VWA5B2: variants seen among roughly 807,000 people sequenced by gnomAD.
VWA5B2 encodes von Willebrand factor A domain containing 5B2.
VWA5B2 carries 93 observed loss-of-function variants against 118.5 expected under a neutral mutation model. The ratio of observed to expected loss-of-function variants is 0.79; its 90% confidence interval spans 0.66 to 0.93. The LOEUF is 0.93. VWA5B2 is among the 40% of genes least tolerant of loss of function. VWA5B2 has a pLI of 0.00. For missense variants in VWA5B2, 1,546 were observed against 1,672.8 expected, an observed-to-expected ratio of 0.92 and a Z score of 1.32; for synonymous variants, 708 against 716.3, an observed-to-expected ratio of 0.99 and a Z score of 0.19.
chr3:184,236,039 A>T, intron 8 of VWA5B2, 113 bp from the exon 9 acceptor site: 1 of 986,236 alleles, frequency 1.0e-6, no homozygotes, highest in Non-Finnish European at 1.5e-6. Context: ...CTCCCAGGTT[A>T]CCACAGCCTC....
Position 184,233,221 on chromosome 3 carries a change from G to A in VWA5B2, c.354G>A (p.Val118=). 7 of 1,550,906 alleles carry A rather than the reference G, an allele frequency of 4.5e-6. No individual in the cohort carries two copies. Among genetic ancestry groups the A allele is most frequent in the Non-Finnish European group, 6.1e-6 (7 of 1,146,876 alleles). ...TGGCCCAGGCCCGGTCCACGTTGGT[G>A]CTGCCCACAGGCATTATCGCCGCGG... is the stretch of plus-strand genomic sequence containing the variant. ...LDLAQARSTL[V]LPTGIIAAAG... Residue 118 remains valine (V), a synonymous_variant, in exon 4 of 20, where the codon GTG becomes GTA. Transcript: ENST00000691901. This position sits in a 1 kb window ranked among gnomAD's most constrained non-coding sequence, Gnocchi z 5.2.
In VWA5B2 at chr3:184,233,305, G is replaced by A; in HGVS notation, c.438G>A (p.Gly146=). ...GGGAGCTGCCCTCAAGGCCTGACGG[G>A]GTGCTGCATGTGGCCCTGCCCACTG... is the stretch of plus-strand genomic sequence containing the variant. ...SSRELPSRPD[G]VLHVALPTVL... Residue 146 remains glycine (G), a synonymous_variant, in exon 4 of 20, where the codon GGG becomes GGA. Coordinates refer to ENST00000691901, the MANE Select transcript of VWA5B2 (RefSeq NM_001390846.1). This position sits in a 1 kb window ranked among gnomAD's most constrained non-coding sequence, Gnocchi z 5.2. 6.5e-7 allele frequency: 1 copy of A among 1,537,502 alleles called. No individual in the cohort carries two copies. Among genetic ancestry groups the A allele is most frequent in the Non-Finnish European group, 8.8e-7 (1 of 1,140,470 alleles).
At chr3:184,230,979 C>G (rs1717336244) in intron 3 of VWA5B2, 62 bp downstream of exon 3, 2 of 1,204,526 alleles carry the variant, frequency 1.7e-6, no homozygotes, top group South Asian at 4.2e-5. Context: ...GCTCCCGCAT[C>G]CGCTCGGCCT....
chr3:184,238,898 G>T lies in VWA5B2; in HGVS notation c.2202+25G>T. The T allele has an allele frequency of 6.9e-7, 1 of 1,458,492 alleles. No homozygotes were observed. The highest frequency in any genetic ancestry group is 1.4e-5 in the African/African-American group (1 of 70,274). 90.3% of individuals were successfully genotyped at this position (1,458,492 alleles called of 1,614,324 possible). A position where few individuals can be genotyped will look rare whatever the true frequency, so the allele number is the denominator to read the frequency against. On this transcript the variant is annotated intron_variant, in intron 14 of 19. Transcript: ENST00000691901. The surrounding 1 kb of genome is among the most constrained non-coding windows in gnomAD (Gnocchi z 5.0). Reference sequence around the variant, plus strand: ...GGTGAGATCCAACCCACATTCATTCGCCTTGTATCCAGCAAATATTTATTT... The same window carrying T: ...GGTGAGATCCAACCCACATTCATTCTCCTTGTATCCAGCAAATATTTATTT...
In VWA5B2 at chr3:184,239,983, G is replaced by A. The variant is rs192127853; in HGVS notation, c.2687G>A (p.Arg896Gln). The A allele has an allele frequency of 3.8e-5, 59 of 1,550,510 alleles. No individual in the cohort carries two copies. The highest frequency in any genetic ancestry group is 3.4e-4 in the Middle Eastern group (2 of 5,846). ...LHRLTAASVV[R>Q]DNEQLALRGG... ...CGGCTGACAGCAGCCTCTGTGGTCC[G>A]GGACAATGAGCAGCTGGCCCTCCGA... is the stretch of plus-strand genomic sequence containing the variant. Residue 896 changes from arginine (R) to glutamine (Q), a missense_variant, in exon 16 of 20, where the codon CGG (arginine) becomes CAG (glutamine). This residue lies in a region of VWA5B2 where 763 missense variants were observed against 766.6 expected (regional missense o/e 1.00). Coordinates refer to ENST00000691901, the MANE Select transcript of VWA5B2 (RefSeq NM_001390846.1). The surrounding 1 kb of genome is among the most constrained non-coding windows in gnomAD (Gnocchi z 5.1).
At position 184,233,825 on chromosome 3, in the gene VWA5B2, G is replaced by C; in HGVS notation, c.688+92G>C. ...GGAAATAAGGCTCAGGGATAGGAGG[G>C]ACACAGGACAAAAAGACAGGGACCC... On this transcript the variant is annotated intron_variant, in intron 5 of 19. Coordinates refer to ENST00000691901, the MANE Select transcript of VWA5B2 (RefSeq NM_001390846.1). This position sits in a 1 kb window ranked among gnomAD's most constrained non-coding sequence, Gnocchi z 5.2. 6.8e-7 allele frequency: 1 copy of C among 1,472,010 alleles called. No individual in the cohort carries two copies. 91.2% of individuals were successfully genotyped at this position (1,472,010 alleles called of 1,614,324 possible).
chr3:184,233,506 G>T lies in VWA5B2; in HGVS notation c.531-70G>T, dbSNP rs1717629383. ...GGGATGGGAAGGGTGAGGAAGGGCT[G>T]GGGCCAGTCAGCCGGAGGGTTTAGG... On this transcript the variant is annotated intron_variant, in intron 4 of 19. Transcript: ENST00000691901. The surrounding 1 kb of genome is among the most constrained non-coding windows in gnomAD (Gnocchi z 5.2). 6.6e-7 allele frequency: 1 copy of T among 1,518,458 alleles called. No individual in the cohort carries two copies. Among genetic ancestry groups the T allele is most frequent in the Non-Finnish European group, 8.9e-7 (1 of 1,129,794 alleles). The allele number at this position is 1,518,458 out of a possible 1,614,324, so 94.1% of individuals were successfully genotyped here.
At position 184,234,367 on chromosome 3, in the gene VWA5B2, C is replaced by T. The variant is rs760911919; in HGVS notation, c.790C>T (p.Arg264Trp). ...VTLAEGHHCD[R>W]ALEILLHPSE... ...ACTGGCAGAGGGCCACCACTGTGAC[C>T]GGGCCTTGGAGATCCTGCTGCACCC... is the stretch of plus-strand genomic sequence containing the variant. The change falls in exon 6 of 20, where the codon CGG becomes TGG. Residue 264 changes from arginine (R) to tryptophan (W), a missense_variant. Physicochemically the swap from Arg to Trp is moderately radical, Grantham distance 101 (BLOSUM62 -3). Coordinates refer to ENST00000691901, the MANE Select transcript of VWA5B2 (RefSeq NM_001390846.1). 32 of 1,551,758 alleles carry T rather than the reference C, an allele frequency of 2.1e-5. No individual in the cohort carries two copies. Among genetic ancestry groups the T allele is most frequent in the Middle Eastern group, 1.7e-4 (1 of 5,994 alleles).
At position 184,237,881 on chromosome 3, in the gene VWA5B2, C is replaced by T. The variant is rs911725068; in HGVS notation, c.1720-422C>T. On this transcript the variant is annotated intron_variant, in intron 12 of 19. Transcript: ENST00000691901. The surrounding 1 kb of genome is among the most constrained non-coding windows in gnomAD (Gnocchi z 5.6). ...AGCAAGTCACTTCACCTCACTGACC[C>T]ATTTCCTCATATGGAAATGAGGTTT... Among the ~76,000 whole-genome samples the T allele has an allele frequency of 1.6e-4, 24 of 152,226 alleles. No homozygotes were observed. Among genetic ancestry groups the T allele is most frequent in the African/African-American group, 5.5e-4 (23 of 41,452 alleles).
At chr3:184,234,138 C>A in intron 5 of VWA5B2, 128 bp from the exon 6 acceptor site, 1 of 1,208,634 alleles carries the variant, frequency 8.3e-7, no homozygotes, top group Non-Finnish European at 1.1e-6. Flanking sequence ...CATCCTCCCT[C>A]GTCCATCTGA....
intron 16 of VWA5B2, among the ~76,000 whole-genome samples, chr3:184,240,270 G>A (rs957561485): frequency 1.3e-5 from 2 of 152,196 alleles, no homozygotes; most frequent in African/African-American, 4.8e-5. Flanking sequence ...CTCTTGCAAG[G>A]ATCAGATCCA....
At chr3:184,231,391 G>A (rs1017409295) in intron 3 of VWA5B2, among the ~76,000 whole-genome samples, 4 of 152,176 alleles carry the variant, frequency 2.6e-5, no homozygotes, top group Admixed American at 1.3e-4. Flanking sequence ...TACCGCTGCC[G>A]CTGGCCACAC....
In VWA5B2 at chr3:184,236,633, A is replaced by G. The variant is rs1448175488; in HGVS notation, c.1422-5A>G. 5 of 1,550,512 alleles carry G rather than the reference A, an allele frequency of 3.2e-6. No individual in the cohort carries two copies. Among genetic ancestry groups the G allele is most frequent in the Middle Eastern group, 1.7e-4 (1 of 6,004 alleles). ...AGATCACAGCTGCTTCCTTTCCTTC[A>G]TCAGATGCTTCTCCTTTGGGCTGGG... On this transcript the variant is annotated splice_region_variant and splice_polypyrimidine_tract_variant and intron_variant, in intron 10 of 19. Coordinates refer to ENST00000691901, the MANE Select transcript of VWA5B2 (RefSeq NM_001390846.1).
chr3:184,240,541 T>C (rs1718474492), intron 16 of VWA5B2: 4 of 548,138 alleles, frequency 7.3e-6, no homozygotes, highest in Non-Finnish European at 1.3e-5. Context: ...TAATGCTTCC[T>C]CTGGGTGTTG....
In VWA5B2 at chr3:184,237,778, G is replaced by T. The variant is rs915138612; in HGVS notation, c.1719+367G>T. 7.2e-5 allele frequency among the ~76,000 whole-genome samples: 11 copies of T among 152,176 alleles called. No homozygotes were observed. Among genetic ancestry groups the T allele is most frequent in the African/African-American group, 2.7e-4 (11 of 41,444 alleles). ...AAAGCACCAGCCAGCGTATTTTCTG[G>T]GACACGCAGTGATGGATGAGCATAA... On this transcript the variant is annotated intron_variant, in intron 12 of 19. Coordinates refer to ENST00000691901, the MANE Select transcript of VWA5B2 (RefSeq NM_001390846.1). The surrounding 1 kb of genome is among the most constrained non-coding windows in gnomAD (Gnocchi z 5.6).
At position 184,233,639 on chromosome 3, in the gene VWA5B2, T is replaced by C. The variant is rs1363270752; in HGVS notation, c.594T>C (p.Ala198=). 6.4e-7 allele frequency: 1 copy of C among 1,551,178 alleles called. No homozygotes were observed. The highest frequency in any genetic ancestry group is 8.7e-7 in the Non-Finnish European group (1 of 1,146,952). The change falls in exon 5 of 20, where the codon GCT becomes GCC. Residue 198 remains alanine (A), a synonymous_variant. Transcript: ENST00000691901. The surrounding 1 kb of genome is among the most constrained non-coding windows in gnomAD (Gnocchi z 5.2). Reference sequence around the variant, plus strand: ...AAGGGCTGGCCTGGGAGGAGCTGGCTGCCCCTCGGGACGTGTTCTCAGGCC... The same window carrying C: ...AAGGGCTGGCCTGGGAGGAGCTGGCCGCCCCTCGGGACGTGTTCTCAGGCC... The part of the protein sequence containing the change: ...QEEGLAWEEL[A]APRDVFSGPA...
intron 3 of VWA5B2, among the ~76,000 whole-genome samples, chr3:184,231,883 G>A (rs1717430026): frequency 6.6e-6 from 1 of 152,234 alleles, no homozygotes; most frequent in Non-Finnish European, 1.5e-5. Flanking sequence ...TTAGAGGCTA[G>A]AGTGAGCTCT....
rs1428500753 is a variant in VWA5B2 at position 184,230,607 on chromosome 3, C to T, written c.79C>T (p.Pro27Ser). The T allele has an allele frequency of 2.1e-6, 3 of 1,443,596 alleles. No homozygotes were observed. The highest frequency in any genetic ancestry group is 3.0e-5 in the African/African-American group (2 of 67,444). 89.4% of individuals were successfully genotyped at this position (1,443,596 alleles called of 1,614,324 possible). A position where few individuals can be genotyped will look rare whatever the true frequency, so the allele number is the denominator to read the frequency against. Reference sequence around the variant, plus strand: ...CTGGGTCCGGGCCTGCGCCAACGGCCCCTGCCTCAGCGTGCGGGCCCGGCT... The same window carrying T: ...CTGGGTCCGGGCCTGCGCCAACGGCTCCTGCCTCAGCGTGCGGGCCCGGCT... ...DSWVRACANG[P>S]CLSVRARLTY... The change falls in exon 2 of 20, where the codon CCC becomes TCC. Residue 27 changes from proline (P) to serine (S), a missense_variant. Pro to Ser is a moderately conservative substitution (Grantham distance 74, BLOSUM62 -1). This residue lies in a region of VWA5B2 where 775 missense variants were observed against 882.3 expected (regional missense o/e 0.88). Transcript: ENST00000691901.
Position 184,241,092 on chromosome 3 carries a change from G to A in VWA5B2, c.2947G>A (p.Val983Ile). 6.4e-7 allele frequency: 1 copy of A among 1,551,712 alleles called. No individual in the cohort carries two copies. Among genetic ancestry groups the A allele is most frequent in the Non-Finnish European group, 8.7e-7 (1 of 1,147,000 alleles). Residue 983 changes from valine (V) to isoleucine (I), a missense_variant, in exon 18 of 20, where the codon GTT becomes ATT. Val to Ile is a conservative substitution (Grantham distance 29). Around this residue, in one of 3 missense-constraint regions of VWA5B2, gnomAD observed 763 missense variants for 766.6 expected, o/e 1.00. Transcript: ENST00000691901. The surrounding 1 kb of genome is among the most constrained non-coding windows in gnomAD (Gnocchi z 5.1). Reference sequence around the variant, plus strand: ...TCTAGATGCAGCTCCTCTGCCCACTGTTGTCTACTCTAAAGGTAACACCCA... The same window carrying A: ...TCTAGATGCAGCTCCTCTGCCCACTATTGTCTACTCTAAAGGTAACACCCA... The part of the protein sequence containing the change: ...SHLDAAPLPT[V>I]VYSKGLQRGS...
Sources: gnomAD v4.1 joint callset for allele counts (sites outside exome capture counted in the v4.1 genomes callset) on GRCh38, gnomAD v4.1.1 for gene constraint, gnomAD v4.1.1 regional missense constraint, Gnocchi (gnomAD v3.1) non-coding constraint, MANE v1.5 for transcripts, NCBI Gene and HGNC (gene_info 2026-07-23, HGNC 2026-07-21) for gene names.